ADGRG7: variants seen among roughly 807,000 people sequenced by gnomAD.
ADGRG7 encodes G-protein coupled receptor 128.
ADGRG7 carries 82 observed loss-of-function variants against 88.6 expected under a neutral mutation model. That is an observed-to-expected ratio of 0.93 (90% CI 0.77 to 1.11). The LOEUF is 1.11. ADGRG7 is among the 50% of genes most tolerant of loss of function. The probability of loss-of-function intolerance (pLI) is 0.00; values close to 1 mark genes in which losing one functional copy is unlikely to be tolerated. For synonymous variants in ADGRG7, 381 were observed against 345.2 expected (o/e 1.10, Z -1.15); for missense variants, 945 against 953.4 (o/e 0.99, Z 0.12).
chr3:100,686,203 C>G (rs2094982358), intron 15 of ADGRG7, among the ~76,000 whole-genome samples: 1 of 151,806 alleles, frequency 6.6e-6, no homozygotes, highest in African/African-American at 2.4e-5. Flanking sequence ...ATATCCTTTG[C>G]CCACTTTTTG....
intron 15 of ADGRG7, among the ~76,000 whole-genome samples, chr3:100,694,389 G>A (rs1391915558): frequency 6.6e-6 from 1 of 152,198 alleles, no homozygotes; most frequent in Non-Finnish European, 1.5e-5. Context: ...AGCACAGAAT[G>A]TTAGAACTGG....
rs1015803897 is a variant in ADGRG7 at position 100,635,609 on chromosome 3, C to A, written c.448-68C>A. 4 of 1,557,078 alleles carry A rather than the reference C, an allele frequency of 2.6e-6. No homozygotes were observed. The East Asian group carries it at 9.1e-5, about 35-fold the overall frequency. ...AGCTAAATTCCAGCTTATTTACCTG[C>A]AGTTGCTTACAAAGTGTTTGGACAT... On this transcript the variant is annotated intron_variant, in intron 4 of 15. Coordinates refer to ENST00000273352, the MANE Select transcript of ADGRG7 (RefSeq NM_032787.3).
chr3:100,620,977 A>G (rs924886402), intron 1 of ADGRG7, among the ~76,000 whole-genome samples: 1 of 151,878 alleles, frequency 6.6e-6, no homozygotes, highest in South Asian at 2.1e-4. Context: ...AAACTTTTTC[A>G]TTATTATTAT....
rs150559857 is a variant in ADGRG7, at chr3:100,649,562, C to T, written c.1267-133C>T. The T allele has an allele frequency of 1.8e-5, 10 of 560,070 alleles. No individual in the cohort carries two copies. The East Asian group carries it at 3.0e-4, about 17-fold the overall frequency. 34.7% of individuals were successfully genotyped at this position (560,070 alleles called of 1,614,324 possible). ...TAATGTATTTCGCTTTTAAATATAT[C>T]ATGAGCTTTACAAAAGGAAGATATA... On this transcript the variant is annotated intron_variant, in intron 10 of 15. Coordinates refer to ENST00000273352, the MANE Select transcript of ADGRG7 (RefSeq NM_032787.3).
chr3:100,635,939 A>G, intron 5 of ADGRG7, 113 bp downstream of exon 5: 1 of 816,654 alleles, frequency 1.2e-6, no homozygotes, highest in Non-Finnish European at 1.9e-6. Flanking sequence ...TGGTTTGAGC[A>G]TGGTTTAAGT....
intron 3 of ADGRG7, 52 bp from the exon 4 acceptor site, chr3:100,633,213 C>CAATAATTT: frequency 1.2e-6 from 1 of 845,050 alleles, no homozygotes; most frequent in Non-Finnish European, 1.6e-6. Flanking sequence ...AAATAATAGG[C>CAATAATTT]AATAATTTTA....
intron 8 of ADGRG7, among the ~76,000 whole-genome samples, chr3:100,644,555 G>A (rs1165451529): frequency 2.6e-5 from 4 of 152,016 alleles, no homozygotes; most frequent in Non-Finnish European, 5.9e-5. Flanking sequence ...TTAAAAAAGA[G>A]AGAGACAATA....
At chr3:100,619,562 C>G (rs1343303766) in intron 1 of ADGRG7, among the ~76,000 whole-genome samples, 1 of 152,022 alleles carries the variant, frequency 6.6e-6, no homozygotes, top group East Asian at 1.9e-4. Context: ...AAGATCAGAG[C>G]AGAACTGAAG....
chr3:100,682,642 A>C (rs561495937), intron 15 of ADGRG7, among the ~76,000 whole-genome samples: 6 of 152,282 alleles, frequency 3.9e-5, no homozygotes, highest in African/African-American at 1.2e-4. Context: ...GCTGCCCCTG[A>C]GTGCTGGGGC....
At chr3:100,611,656 G>T (rs1707156659) in intron 1 of ADGRG7, among the ~76,000 whole-genome samples, 1 of 152,156 alleles carries the variant, frequency 6.6e-6, no homozygotes, top group Admixed American at 6.5e-5. Flanking sequence ...CTTTTCTCTT[G>T]TTCTGAGAAG....
In ADGRG7 at chr3:100,611,171, T is replaced by C. The variant is rs112193981; in HGVS notation, c.115+1200T>C. On this transcript the variant is annotated intron_variant, in intron 1 of 15. Coordinates refer to ENST00000273352, the MANE Select transcript of ADGRG7 (RefSeq NM_032787.3). Reference sequence around the variant, plus strand: ...TTAAAAAATTATGAACTATGGATTTTACCCCATTAAGGCTGCCAAATTTAT... The same window carrying C: ...TTAAAAAATTATGAACTATGGATTTCACCCCATTAAGGCTGCCAAATTTAT... 6.2e-3 allele frequency among the ~76,000 whole-genome samples: 952 copies of C among 152,334 alleles called. 7 individuals are homozygous for C. The highest frequency in any genetic ancestry group is 0.021 in the African/African-American group (889 of 41,568).
chr3:100,632,188 G>A (rs1395958987), intron 3 of ADGRG7, among the ~76,000 whole-genome samples: 1 of 152,070 alleles, frequency 6.6e-6, no homozygotes, highest in Non-Finnish European at 1.5e-5. Context: ...CCCATGAAGA[G>A]TCATCACACT....
Position 100,695,040 on chromosome 3 carries a change from C to T in ADGRG7, c.*39C>T, listed in dbSNP as rs376844885. The T allele has an allele frequency of 3.0e-5, 47 of 1,585,190 alleles. No homozygotes were observed. The highest frequency in any genetic ancestry group is 4.5e-5 in the East Asian group (2 of 44,532). On this transcript the variant is annotated 3_prime_UTR_variant, in exon 16 of 16. Transcript: ENST00000273352. ...CCTGTTGTGGTCTTTTTAATCACCT[C>T]GTTTGAGTTTTATCTGTTTCTCTCC... is the stretch of plus-strand genomic sequence containing the variant.
intron 8 of ADGRG7, 119 bp downstream of exon 8, chr3:100,643,752 T>C (rs1707688326): frequency 1.6e-6 from 1 of 633,422 alleles, no homozygotes; most frequent in Non-Finnish European, 2.7e-6. Flanking sequence ...AATTTGCATT[T>C]GAGTAAGTTT....
At chr3:100,693,483 A>G (rs2094997298) in intron 15 of ADGRG7, among the ~76,000 whole-genome samples, 1 of 152,144 alleles carries the variant, frequency 6.6e-6, no homozygotes, top group South Asian at 2.1e-4. Context: ...TGGCCAGAGA[A>G]CAAGTCTGTC....
At chr3:100,643,202 A>G in intron 6 of ADGRG7, 64 bp from the exon 7 acceptor site, 2 of 1,455,026 alleles carry the variant, frequency 1.4e-6, no homozygotes, top group South Asian at 2.5e-5. Context: ...AGTGTAAGAC[A>G]GAACACATAC....
intron 5 of ADGRG7, 139 bp downstream of exon 5, chr3:100,635,965 T>G (rs1707533699): frequency 3.3e-6 from 2 of 603,824 alleles, no homozygotes; most frequent in Admixed American, 3.1e-5. Context: ...AAAGGCATTT[T>G]GCATAGCACT....
intron 9 of ADGRG7, 25 bp from the exon 10 acceptor site, chr3:100,646,544 T>G (rs1213932975): frequency 1.3e-6 from 2 of 1,586,692 alleles, no homozygotes; most frequent in African/African-American, 2.7e-5. Flanking sequence ...GAAACAGTAA[T>G]TGTAATTGTC....
At chr3:100,661,480 A>T (rs2094945219) in intron 14 of ADGRG7, among the ~76,000 whole-genome samples, 1 of 152,204 alleles carries the variant, frequency 6.6e-6, no homozygotes, top group Non-Finnish European at 1.5e-5. Flanking sequence ...CCAAATAAAC[A>T]TGCAATATGA....
Sources: allele counts gnomAD v4.1 joint callset (sites outside exome capture counted in the v4.1 genomes callset), GRCh38; gene constraint gnomAD v4.1.1; transcripts MANE v1.5; gene names NCBI Gene and HGNC (gene_info 2026-07-23, HGNC 2026-07-21).